Variants in SLC39A8 observed in about 807,000 individuals in gnomAD.
The protein encoded by SLC39A8 is solute carrier family 39 member 8, also known as metal cation symporter ZIP8.
SLC39A8 carries 15 observed loss-of-function variants against 40.4 expected under a neutral mutation model. The observed-to-expected ratio is 0.37, with a 90% CI of 0.25 to 0.57. The LOEUF is 0.57. Ranked by LOEUF, SLC39A8 falls within the 20% of genes least tolerant of loss-of-function variation. The probability of loss-of-function intolerance (pLI) is 0.75; values close to 1 mark genes in which losing one functional copy is unlikely to be tolerated. For missense variants in SLC39A8, 472 were observed against 558.8 expected, an observed-to-expected ratio of 0.84 and a Z score of 1.57; for synonymous variants, 223 against 221.6, an observed-to-expected ratio of 1.01 and a Z score of -0.06.
chr4:102,292,538 C>T (rs1184111525), intron 6 of SLC39A8, among the ~76,000 whole-genome samples: 1 of 152,004 alleles, frequency 6.6e-6, no homozygotes, highest in Non-Finnish European at 1.5e-5. Context: ...AAATGATCCC[C>T]ATTATGTCTT....
intron 3 of SLC39A8, among the ~76,000 whole-genome samples, chr4:102,310,009 C>A (rs1734354409): frequency 6.6e-6 from 1 of 152,028 alleles, no homozygotes; most frequent in Non-Finnish European, 1.5e-5. Flanking sequence ...GGCCTACAGA[C>A]TTATACTAAA....
chr4:102,301,837 A>T (rs1038262812), intron 6 of SLC39A8, among the ~76,000 whole-genome samples: 1 of 152,026 alleles, frequency 6.6e-6, no homozygotes, highest in East Asian at 1.9e-4. Context: ...GTTAATTATG[A>T]TTTAAAAAAA....
At chr4:102,285,571 C>T (rs574489167) in intron 6 of SLC39A8, among the ~76,000 whole-genome samples, 3 of 151,404 alleles carry the variant, frequency 2.0e-5, no homozygotes, top group Non-Finnish European at 4.4e-5. Context: ...GGAAATTTAC[C>T]TCAGACACAA....
chr4:102,276,751 T>A (rs745886533), intron 6 of SLC39A8, among the ~76,000 whole-genome samples: 11 of 152,034 alleles, frequency 7.2e-5, no homozygotes, highest in Non-Finnish European at 1.5e-4. Context: ...AAAATACTGG[T>A]ATACCAAATC....
At chr4:102,306,717 T>C (rs1734187588) in intron 4 of SLC39A8, among the ~76,000 whole-genome samples, 1 of 152,044 alleles carries the variant, frequency 6.6e-6, no homozygotes, top group Non-Finnish European at 1.5e-5. Flanking sequence ...ATCCCTTCTA[T>C]GAAAGTCTCT....
chr4:102,331,621 C>T (rs566198506), intron 2 of SLC39A8, among the ~76,000 whole-genome samples: 1 of 152,272 alleles, frequency 6.6e-6, no homozygotes, highest in African/African-American at 2.4e-5. Flanking sequence ...ATGCTATCCC[C>T]ATCAAGCTGC....
At chr4:102,316,168 T>C (rs1734648901) in intron 2 of SLC39A8, among the ~76,000 whole-genome samples, 1 of 152,180 alleles carries the variant, frequency 6.6e-6, no homozygotes, top group African/African-American at 2.4e-5. Flanking sequence ...AATTTTTTAT[T>C]GTCAGTACCC....
intron 2 of SLC39A8, among the ~76,000 whole-genome samples, chr4:102,341,118 G>T (rs1475124890): frequency 6.6e-6 from 1 of 151,968 alleles, no homozygotes; most frequent in African/African-American, 2.4e-5. Context: ...GCTTTGAGAA[G>T]ACTGAATATG....
chr4:102,275,834 C>T (rs1294216130), intron 6 of SLC39A8, among the ~76,000 whole-genome samples: 1 of 152,184 alleles, frequency 6.6e-6, no homozygotes, highest in Non-Finnish European at 1.5e-5. Context: ...AAGAAACTCA[C>T]TCAAAACCAC....
At chr4:102,288,764 C>T (rs192020865) in intron 6 of SLC39A8, among the ~76,000 whole-genome samples, 12 of 152,142 alleles carry the variant, frequency 7.9e-5, no homozygotes, top group Non-Finnish European at 1.5e-4. Context: ...TAGGAGCAAG[C>T]CCCTCTTTTC....
intron 6 of SLC39A8, chr4:102,269,631 G>A (rs1424647387): frequency 2.0e-5 from 3 of 152,146 alleles, no homozygotes; most frequent in Non-Finnish European, 2.9e-5. Context: ...GCACAAAAAG[G>A]TTGGTAAACT....
At position 102,307,200 on chromosome 4, in the gene SLC39A8, G is replaced by C. The variant is rs62327953; in HGVS notation, c.552+236C>G. ...AGGCCTTCTGAGGTGTCCCAGAGCT[G>C]TCTGAGCACGTCCTAGTGGCTGGCC... On this transcript the variant is annotated intron_variant, in intron 4 of 8. Coordinates refer to ENST00000356736, the MANE Select transcript of SLC39A8 (RefSeq NM_001135146.2). 0.3 allele frequency among the ~76,000 whole-genome samples: 46,169 copies of C among 151,950 alleles called. 7,293 individuals carry two copies. Among genetic ancestry groups the C allele is most frequent in the Middle Eastern group, 0.48 (140 of 294 alleles).
intron 6 of SLC39A8, among the ~76,000 whole-genome samples, chr4:102,273,059 C>A (rs886884117): frequency 1.3e-5 from 2 of 152,132 alleles, no homozygotes; most frequent in African/African-American, 4.8e-5. Context: ...AGTTTTTTTC[C>A]ATACCCCAGT....
chr4:102,316,735 T>C (rs1393313957), intron 2 of SLC39A8, among the ~76,000 whole-genome samples: 2 of 152,158 alleles, frequency 1.3e-5, no homozygotes, highest in East Asian at 3.9e-4. Flanking sequence ...AATAAGACCT[T>C]AGCTATGTAC....
chr4:102,344,472 G>C lies in SLC39A8; in HGVS notation c.191C>G (p.Pro64Arg). Reference sequence around the variant, plus strand: ...GTTGAAGTGCAGCTGGCCAGGCTCCGGGACGCCCACGCGGGAGGCGGCTCC... The same window carrying C: ...GTTGAAGTGCAGCTGGCCAGGCTCCCGGACGCCCACGCGGGAGGCGGCTCC... ...QMGAASRVGV[P>R]EPGQLHFNQC... Residue 64 changes from proline (P) to arginine (R), a missense_variant, in exon 2 of 9, where the codon CCG becomes CGG. By Grantham distance (103) the Pro-to-Arg change is moderately radical. This residue lies in a region of SLC39A8 where 175 missense variants were observed against 160.5 expected (regional missense o/e 1.09). Transcript: ENST00000356736. 1.9e-6 allele frequency: 3 copies of C among 1,546,352 alleles called. No homozygotes were observed. The highest frequency in any genetic ancestry group is 2.6e-6 in the Non-Finnish European group (3 of 1,145,616).
chr4:102,341,919 G>A (rs924232137), intron 2 of SLC39A8, among the ~76,000 whole-genome samples: 4 of 152,172 alleles, frequency 2.6e-5, no homozygotes, highest in Non-Finnish European at 5.9e-5. Context: ...CCTGGACCTT[G>A]AAACAAATTT....
At chr4:102,277,177 T>C (rs553473612) in intron 6 of SLC39A8, among the ~76,000 whole-genome samples, 2 of 152,284 alleles carry the variant, frequency 1.3e-5, no homozygotes, top group South Asian at 2.1e-4. Context: ...GGTATTCAAA[T>C]AGGAAAAGAG....
intron 6 of SLC39A8, among the ~76,000 whole-genome samples, chr4:102,294,006 C>G (rs992315672): frequency 4.6e-5 from 7 of 151,466 alleles, no homozygotes; most frequent in Non-Finnish European, 1.5e-5. Context: ...ATAAAATGAT[C>G]TGTTCAGCAA....
At chr4:102,321,705 C>G (rs536632994) in intron 2 of SLC39A8, among the ~76,000 whole-genome samples, 2 of 152,248 alleles carry the variant, frequency 1.3e-5, no homozygotes, top group South Asian at 4.2e-4. Context: ...ATGGTGGCAA[C>G]TTTGGTTTTA....
Sources: allele counts gnomAD v4.1 joint callset (sites outside exome capture counted in the v4.1 genomes callset), GRCh38; gene constraint gnomAD v4.1.1; regional missense constraint gnomAD v4.1.1; transcripts MANE v1.5; gene names NCBI Gene and HGNC (gene_info 2026-07-23, HGNC 2026-07-21).